The following BLVRA variants were observed in gnomAD, a reference collection of about 807,000 sequenced individuals.
The protein encoded by BLVRA is biliverdin reductase A, also known as BVR A.
Under a neutral mutation model 32.8 loss-of-function variants are expected in BLVRA, and 22 were observed. That is an observed-to-expected ratio of 0.67 (90% CI 0.48 to 0.96). The LOEUF is 0.96. Ranked by LOEUF, BLVRA falls within the 40% of genes least tolerant of loss-of-function variation. The pLI is 0.00. For synonymous variants in BLVRA, 119 were observed against 141.3 expected (o/e 0.84, Z 1.12); for missense variants, 323 against 358.1 (o/e 0.90, Z 0.79).
intron 2 of BLVRA, among the ~76,000 whole-genome samples, chr7:43,784,349 T>C (rs1308770118): frequency 1.3e-5 from 2 of 152,176 alleles, no homozygotes; most frequent in Non-Finnish European, 2.9e-5. Flanking sequence ...TTTAGCCTTT[T>C]GCTAACCTGC....
Position 43,807,151 on chromosome 7 carries a change from G to GGA in BLVRA, c.808_809dup (p.Leu271AsnfsTer32). On this transcript the variant is annotated frameshift_variant, in exon 8 of 8. Transcript: ENST00000265523. LOFTEE classifies it high-confidence loss of function. ...AACTCTTGGGCCAGTTCTCTGAGAA[G>GGA]GAACTGGCTGCTGAAAAGAAACGCA... 6.2e-7 allele frequency: 1 copy of GGA among 1,613,932 alleles called. No homozygotes were observed. Among genetic ancestry groups the GGA allele is most frequent in the Non-Finnish European group, 8.5e-7 (1 of 1,179,990 alleles).
chr7:43,785,164 ACGGTAAC>A (rs1362406072), intron 2 of BLVRA, among the ~76,000 whole-genome samples: 6 of 152,068 alleles, frequency 3.9e-5, no homozygotes, highest in African/African-American at 1.4e-4. Flanking sequence ...ATGTAGTAAT[ACGGTAAC>A]CTTAAGAATG....
rs756882311 is a variant in BLVRA, at chr7:43,800,565, C to T, written c.453C>T (p.Leu151=). ...AAGACCTGCTGAAAGGGTCGCTCCT[C>T]TTCACAGGTCAGTGCTACGTGGGAT... ...VGKDLLKGSL[L]FTAGPLEEER... The change falls in exon 6 of 8, where the codon CTC becomes CTT. Residue 151 remains leucine, a synonymous_variant. Transcript: ENST00000265523. The T allele has an allele frequency of 6.2e-7, 1 of 1,613,776 alleles. No individual in the cohort carries two copies. Among genetic ancestry groups the T allele is most frequent in the Non-Finnish European group, 8.5e-7 (1 of 1,179,702 alleles).
intron 5 of BLVRA, among the ~76,000 whole-genome samples, chr7:43,796,332 C>T (rs2095792871): frequency 1.3e-5 from 2 of 152,076 alleles, no homozygotes; most frequent in Non-Finnish European, 2.9e-5. Context: ...CCTACTAAGA[C>T]TGAATCATGA....
Position 43,787,788 on chromosome 7 carries a change from T to G in BLVRA, c.13-116T>G. On this transcript the variant is annotated intron_variant, in intron 2 of 7. Transcript: ENST00000265523. This position sits in a 1 kb window ranked among gnomAD's most constrained non-coding sequence, Gnocchi z 4.5. ...CATCCTGATGCTGTGGCTTCCTGTG[T>G]GTTTTGGGCTGGCTTCCATCTTGCT... The G allele has an allele frequency of 1.3e-6, 2 of 1,493,266 alleles. No homozygotes were observed. Among genetic ancestry groups the G allele is most frequent in the Non-Finnish European group, 1.9e-6 (2 of 1,072,216 alleles). The allele number at this position is 1,493,266 out of a possible 1,614,324, so 92.5% of individuals were successfully genotyped here. A position where few individuals can be genotyped will look rare whatever the true frequency, so the allele number is the denominator to read the frequency against.
chr7:43,773,700 T>A (rs1187607161), intron 2 of BLVRA, among the ~76,000 whole-genome samples: 4 of 152,242 alleles, frequency 2.6e-5, no homozygotes, highest in Non-Finnish European at 5.9e-5. Context: ...TCTAGATCCC[T>A]GAGGAATCGC....
intron 1 of BLVRA, among the ~76,000 whole-genome samples, chr7:43,760,664 T>G (rs1418505242): frequency 6.6e-6 from 1 of 152,166 alleles, no homozygotes; most frequent in Non-Finnish European, 1.5e-5. Flanking sequence ...AGTGAAACTT[T>G]CCATTAATGG....
chr7:43,804,989 C>T (rs2095802571), intron 7 of BLVRA, among the ~76,000 whole-genome samples: 1 of 152,324 alleles, frequency 6.6e-6, no homozygotes, highest in East Asian at 1.9e-4. Flanking sequence ...AAGCAAAGCA[C>T]ATGGAACTTG....
intron 2 of BLVRA, among the ~76,000 whole-genome samples, chr7:43,784,061 G>A (rs2095773751): frequency 6.6e-6 from 1 of 152,138 alleles, no homozygotes; most frequent in African/African-American, 2.4e-5. Context: ...CAAGGGTGGG[G>A]GCGCAAGCTC....
rs2095779309 is a variant in BLVRA, at chr7:43,787,564, T to C, written c.13-340T>C. ...CAGGGAGGGCAGAAGTACCAGGCCA[T>C]GGGCTGGGTCTGGGTTAATGGGGAA... On this transcript the variant is annotated intron_variant, in intron 2 of 7. Coordinates refer to ENST00000265523, the MANE Select transcript of BLVRA (RefSeq NM_000712.4). This position sits in a 1 kb window ranked among gnomAD's most constrained non-coding sequence, Gnocchi z 4.5. Among the ~76,000 whole-genome samples the C allele has an allele frequency of 6.6e-6, 1 of 152,130 alleles. No homozygotes were observed. Among genetic ancestry groups the C allele is most frequent in the Admixed American group, 6.5e-5 (1 of 15,276 alleles).
chr7:43,766,319 TA>T (rs1411057688), intron 1 of BLVRA, among the ~76,000 whole-genome samples: 1 of 151,108 alleles, frequency 6.6e-6, no homozygotes, highest in African/African-American at 2.4e-5. Context: ...GTTAAAAATC[TA>T]AAAGAAAATA....
intron 2 of BLVRA, among the ~76,000 whole-genome samples, chr7:43,785,417 T>C (rs560123197): frequency 6.6e-6 from 1 of 152,100 alleles, no homozygotes; most frequent in South Asian, 2.1e-4. Context: ...AGTTGGGCAC[T>C]GTGGCCACTC....
At chr7:43,781,722 TA>T (rs2095769857) in intron 2 of BLVRA, among the ~76,000 whole-genome samples, 1 of 152,250 alleles carries the variant, frequency 6.6e-6, no homozygotes, top group African/African-American at 2.4e-5. Flanking sequence ...GATATATAGT[TA>T]ATCTGCTACA....
chr7:43,788,140 G>T lies in BLVRA; in HGVS notation c.134+115G>T, dbSNP rs535265391. On this transcript the variant is annotated intron_variant, in intron 3 of 7. Coordinates refer to ENST00000265523, the MANE Select transcript of BLVRA (RefSeq NM_000712.4). ...GCAGGGAGAGCCATCTCCCAACTGA[G>T]AACTGTGCTTAGGGTCAGCCCCATA... The T allele has an allele frequency of 6.8e-5, 107 of 1,565,292 alleles. No individual in the cohort carries two copies. In the East Asian group the frequency reaches 2.3e-3, roughly 33 times the overall value.
chr7:43,777,817 T>C (rs1397374361), intron 2 of BLVRA, among the ~76,000 whole-genome samples: 2 of 152,256 alleles, frequency 1.3e-5, no homozygotes, highest in African/African-American at 4.8e-5. Flanking sequence ...CATAGTCCCA[T>C]ATTTCTTGGA....
At chr7:43,772,835 C>CCTGG (rs1310513462) in intron 2 of BLVRA, among the ~76,000 whole-genome samples, 1 of 152,216 alleles carries the variant, frequency 6.6e-6, no homozygotes, top group East Asian at 1.9e-4. Context: ...GTTACCTCCA[C>CCTGG]CTGGCTCCTC....
intron 1 of BLVRA, among the ~76,000 whole-genome samples, chr7:43,763,101 AG>A (rs1390667466): frequency 6.6e-6 from 1 of 152,220 alleles, no homozygotes; most frequent in Non-Finnish European, 1.5e-5. Context: ...GACTTTTTAT[AG>A]AAGAGTGGGC....
intron 3 of BLVRA, 74 bp from the exon 4 acceptor site, chr7:43,791,175 G>T: frequency 6.2e-7 from 1 of 1,603,602 alleles, no homozygotes. Context: ...GGACCTGTCG[G>T]GAGGAGGGGA....
At chr7:43,806,242 G>A (rs1271499123) in intron 7 of BLVRA, among the ~76,000 whole-genome samples, 2 of 152,178 alleles carry the variant, frequency 1.3e-5, no homozygotes, top group Non-Finnish European at 2.9e-5. Context: ...GAACCTGGAG[G>A]CAGAGGTTGC....
Sources: allele counts gnomAD v4.1 joint callset (sites outside exome capture counted in the v4.1 genomes callset), GRCh38; gene constraint gnomAD v4.1.1; non-coding constraint Gnocchi (gnomAD v3.1); transcripts MANE v1.5; gene names NCBI Gene and HGNC (gene_info 2026-07-23, HGNC 2026-07-21).